Variants in GHR observed in about 807,000 individuals in gnomAD.
GHR encodes GH receptor.
In GHR, 35 loss-of-function variants were observed where a neutral mutation model predicts 67.1. The observed-to-expected ratio is 0.52, with a 90% CI of 0.40 to 0.69. The LOEUF (loss-of-function observed/expected upper bound fraction) is 0.69. Ranked by LOEUF, GHR falls within the 30% of genes least tolerant of loss-of-function variation. The pLI is 0.00. For synonymous variants in GHR, 272 were observed against 269.1 expected (o/e 1.01, Z -0.10); for missense variants, 792 against 764.6 (o/e 1.04, Z -0.42).
chr5:42,488,977 G>C (rs574039115), intron 1 of GHR, among the ~76,000 whole-genome samples: 1 of 152,162 alleles, frequency 6.6e-6, no homozygotes, highest in Non-Finnish European at 1.5e-5. Context: ...CAATCTACAC[G>C]TCTGTCAACA....
chr5:42,585,901 T>G (rs771630954), intron 2 of GHR, among the ~76,000 whole-genome samples: 1 of 152,168 alleles, frequency 6.6e-6, no homozygotes, highest in Non-Finnish European at 1.5e-5. Flanking sequence ...GAAAATAGAC[T>G]GGATTTGAAT....
At chr5:42,472,252 G>T (rs1745046753) in intron 1 of GHR, among the ~76,000 whole-genome samples, 1 of 152,184 alleles carries the variant, frequency 6.6e-6, no homozygotes, top group Non-Finnish European at 1.5e-5. Context: ...TCTACTTAGA[G>T]AATCTGGCTT....
At chr5:42,696,789 G>A (rs1232534079) in intron 5 of GHR, among the ~76,000 whole-genome samples, 2 of 152,138 alleles carry the variant, frequency 1.3e-5, no homozygotes, top group African/African-American at 4.8e-5. Flanking sequence ...CATGTGTCAG[G>A]TATAAAAACC....
intron 1 of GHR, among the ~76,000 whole-genome samples, chr5:42,447,191 G>C (rs1008133148): frequency 1.3e-5 from 2 of 151,886 alleles, no homozygotes; most frequent in African/African-American, 4.8e-5. Flanking sequence ...GTGGTTTTTG[G>C]TTCCACGAAT....
At chr5:42,516,120 G>C (rs1212548822) in intron 1 of GHR, among the ~76,000 whole-genome samples, 1 of 152,070 alleles carries the variant, frequency 6.6e-6, no homozygotes, top group Non-Finnish European at 1.5e-5. Context: ...ATTTGCTCCT[G>C]ACTTTTCTCA....
chr5:42,476,923 G>C (rs186729612), intron 1 of GHR, among the ~76,000 whole-genome samples: 22 of 151,880 alleles, frequency 1.4e-4, no homozygotes, highest in Non-Finnish European at 2.6e-4. Flanking sequence ...GTGTACATGT[G>C]CACAACGTGC....
chr5:42,660,640 A>G (rs1379777670), intron 3 of GHR, among the ~76,000 whole-genome samples: 1 of 152,196 alleles, frequency 6.6e-6, no homozygotes, highest in Non-Finnish European at 1.5e-5. Flanking sequence ...CCAAAAGTAG[A>G]TAAAACCACA....
intron 1 of GHR, among the ~76,000 whole-genome samples, chr5:42,493,377 A>T (rs1175118982): frequency 6.6e-6 from 1 of 152,212 alleles, no homozygotes; most frequent in Admixed American, 6.5e-5. Flanking sequence ...ATACTGCCTA[A>T]GTATTTAAAC....
intron 1 of GHR, among the ~76,000 whole-genome samples, chr5:42,564,620 G>C (rs1032517518): frequency 1.3e-5 from 2 of 152,142 alleles, no homozygotes; most frequent in African/African-American, 4.8e-5. Flanking sequence ...TAGGTCCTCT[G>C]CTGTCTAGAA....
intron 4 of GHR, among the ~76,000 whole-genome samples, chr5:42,693,029 C>G (rs1757493495): frequency 6.6e-6 from 1 of 151,934 alleles, no homozygotes; most frequent in African/African-American, 2.4e-5. Flanking sequence ...TCTTCTGACT[C>G]TACATACACA....
At chr5:42,588,290 C>T (rs897110416) in intron 2 of GHR, among the ~76,000 whole-genome samples, 9 of 151,820 alleles carry the variant, frequency 5.9e-5, no homozygotes, top group Middle Eastern at 3.4e-3. Context: ...GAGGCTCAGG[C>T]GGGCAGATCA....
chr5:42,627,127 T>C (rs1316696153), intron 2 of GHR, among the ~76,000 whole-genome samples: 1 of 152,250 alleles, frequency 6.6e-6, no homozygotes, highest in African/African-American at 2.4e-5. Flanking sequence ...TTCTCTCATG[T>C]TGAGCTTTTC....
At chr5:42,460,534 T>C (rs777138087) in intron 1 of GHR, among the ~76,000 whole-genome samples, 8 of 152,198 alleles carry the variant, frequency 5.3e-5, no homozygotes, top group Non-Finnish European at 7.3e-5. Flanking sequence ...AAGTTTGGAA[T>C]GGATCTCACT....
chr5:42,529,264 G>C (rs1486490695), intron 1 of GHR, among the ~76,000 whole-genome samples: 2 of 152,094 alleles, frequency 1.3e-5, no homozygotes, highest in African/African-American at 4.8e-5. Context: ...ACCCTCCTCA[G>C]CATCCCAAAG....
chr5:42,645,389 T>C (rs1433284848), intron 3 of GHR, among the ~76,000 whole-genome samples: 1 of 152,196 alleles, frequency 6.6e-6, no homozygotes, highest in Non-Finnish European at 1.5e-5. Context: ...CCAAGACTCT[T>C]TGGCCATGGA....
chr5:42,598,347 G>A (rs1464649863), intron 2 of GHR, among the ~76,000 whole-genome samples: 3 of 152,152 alleles, frequency 2.0e-5, no homozygotes, highest in Admixed American at 2.0e-4. Context: ...AACTTAAAAT[G>A]AGCAGGGGTT....
chr5:42,563,851 C>A (rs2112468788), intron 1 of GHR, among the ~76,000 whole-genome samples: 1 of 152,138 alleles, frequency 6.6e-6, no homozygotes. Context: ...TAGTTACCAA[C>A]AGGATGGCAT....
intron 3 of GHR, among the ~76,000 whole-genome samples, chr5:42,631,491 C>T (rs1052312242): frequency 1.3e-5 from 2 of 152,170 alleles, no homozygotes; most frequent in African/African-American, 4.8e-5. Flanking sequence ...GACTCAAGTG[C>T]TCACATCACC....
intron 6 of GHR, among the ~76,000 whole-genome samples, chr5:42,710,373 CA>C (rs911813644): frequency 2.3e-4 from 15 of 65,784 alleles, no homozygotes; most frequent in East Asian, 6.2e-3. Flanking sequence ...GGTGTTCTAC[CA>C]AAAAAAAGTA....
Sources: gnomAD v4.1 joint callset for allele counts (sites outside exome capture counted in the v4.1 genomes callset) on GRCh38, gnomAD v4.1.1 for gene constraint, MANE v1.5 for transcripts, NCBI Gene and HGNC (gene_info 2026-07-23, HGNC 2026-07-21) for gene names.